TNXB: variants seen among roughly 807,000 people sequenced by gnomAD.
TNXB encodes tenascin-X.
TNXB carries 183 observed loss-of-function variants against 340.5 expected under a neutral mutation model. That is an observed-to-expected ratio of 0.54 (90% CI 0.48 to 0.61). The LOEUF (loss-of-function observed/expected upper bound fraction) is 0.61, where lower values mean the gene tolerates loss of function less well. Among genes scored for constraint, TNXB ranks in the 20% least tolerant of loss-of-function variants. The probability of loss-of-function intolerance (pLI) is 0.00; values close to 1 mark genes in which losing one functional copy is unlikely to be tolerated. For missense variants in TNXB, 4,613 were observed against 5,446.4 expected (o/e 0.85, Z 4.82); for synonymous variants, 2,121 against 2,314.5 (o/e 0.92, Z 2.40).
In TNXB at chr6:32,046,246, T is replaced by C; in HGVS notation, c.10535A>G (p.Lys3512Arg). ...VTVEDLEPGK[K>R]YKFLLYGLLG... ...GAGCCCGTAGAGCAGAAACTTGTATTTCTTGCCAGGCTCCAGGTCCTCTAC... is the reference window on the plus strand; with the variant it reads ...GAGCCCGTAGAGCAGAAACTTGTATCTCTTGCCAGGCTCCAGGTCCTCTAC... The change falls in exon 31 of 44, where the codon AAA (lysine) becomes AGA (arginine). Residue 3512 changes from lysine to arginine, a missense_variant. Around this residue, in one of 7 missense-constraint regions of TNXB, gnomAD observed 4,327 missense variants for 4,859.4 expected, o/e 0.89. Transcript: ENST00000644971. This position sits in a 1 kb window ranked among gnomAD's most constrained non-coding sequence, Gnocchi z 6.9. The C allele has an allele frequency of 6.2e-7, 1 of 1,605,256 alleles. No homozygotes were observed. Among genetic ancestry groups the C allele is most frequent in the Non-Finnish European group, 8.5e-7 (1 of 1,177,518 alleles).
In TNXB at chr6:32,046,900, C is replaced by T. The variant is rs1562783310; in HGVS notation, c.10325-444G>A. On this transcript the variant is annotated intron_variant, in intron 30 of 43. Coordinates refer to ENST00000644971, the MANE Select transcript of TNXB (RefSeq NM_001365276.2). This position sits in a 1 kb window ranked among gnomAD's most constrained non-coding sequence, Gnocchi z 6.9. Reference sequence around the variant, plus strand: ...GTCTGGGCAGCCGGCCAATGCACGGCTCCCATCACTGCCAGGCTGTGATCT... The same window carrying T: ...GTCTGGGCAGCCGGCCAATGCACGGTTCCCATCACTGCCAGGCTGTGATCT... Among the ~76,000 whole-genome samples the T allele has an allele frequency of 6.6e-6, 1 of 152,244 alleles. No individual in the cohort carries two copies. The highest frequency in any genetic ancestry group is 1.5e-5 in the Non-Finnish European group (1 of 68,038).
chr6:32,096,372 G>A lies in TNXB; in HGVS notation c.1481C>T (p.Thr494Met). 6.4e-7 allele frequency: 1 copy of A among 1,557,874 alleles called. No individual in the cohort carries two copies. Among genetic ancestry groups the A allele is most frequent in the Non-Finnish European group, 8.6e-7 (1 of 1,159,078 alleles). Residue 494 changes from threonine (T) to methionine (M), a missense_variant, in exon 3 of 44, where the codon ACG becomes ATG. This residue lies in a region of TNXB where 4,327 missense variants were observed against 4,859.4 expected (regional missense o/e 0.89). Coordinates refer to ENST00000644971, the MANE Select transcript of TNXB (RefSeq NM_001365276.2). ...GCGACAGTCGCCAGGACAGGCGCGC[G>A]TGCCGCAGTCCCGGCCTGTGTACCC... ...WPGYTGRDCG[T>M]RACPGDCRGR...
In TNXB at chr6:32,098,119, G is replaced by A. The variant is rs372058480; in HGVS notation, c.80C>T (p.Ser27Phe). 24 of 1,599,214 alleles carry A rather than the reference G, an allele frequency of 1.5e-5. No individual in the cohort carries two copies. Among genetic ancestry groups the A allele is most frequent in the Non-Finnish European group, 2.0e-5 (23 of 1,172,390 alleles). The change falls in exon 2 of 44, where the codon TCT becomes TTT. Residue 27 changes from serine (S) to phenylalanine (F), a missense_variant. Coordinates refer to ENST00000644971, the MANE Select transcript of TNXB (RefSeq NM_001365276.2). Reference sequence around the variant, plus strand: ...TGGCAGTGTCACATTGGACCGTGAAGAGAAGGGGCCTGCTCTGGCTGTGCT... The same window carrying A: ...TGGCAGTGTCACATTGGACCGTGAAAAGAAGGGGCCTGCTCTGGCTGTGCT... ...LLSTARAGPF[S>F]SRSNVTLPAP...
At chr6:32,088,389 C>T (rs1779914041) in intron 6 of TNXB, among the ~76,000 whole-genome samples, 1 of 152,214 alleles carries the variant, frequency 6.6e-6, no homozygotes, top group African/African-American at 2.4e-5. Context: ...TCCCAGCAAT[C>T]CCAATCCAAA....
At chr6:32,107,866 G>C (rs1202387348) in intron 1 of TNXB, among the ~76,000 whole-genome samples, 1 of 152,124 alleles carries the variant, frequency 6.6e-6, no homozygotes, top group Non-Finnish European at 1.5e-5. Context: ...AAGGATTCTA[G>C]GAGTGAGACT....
intron 3 of TNXB, among the ~76,000 whole-genome samples, 158 bp from the exon 4 acceptor site, chr6:32,095,349 C>T (rs1240564261): frequency 1.3e-5 from 2 of 152,128 alleles, no homozygotes; most frequent in Non-Finnish European, 2.9e-5. Flanking sequence ...GGGCTTGGAT[C>T]GCCTTCACCT....
chr6:32,081,442 CGG>C lies in TNXB; in HGVS notation c.3966_3967del (p.Asp1322GlufsTer4), dbSNP rs1207856485. On this transcript the variant is annotated frameshift_variant, in exon 10 of 44. Transcript: ENST00000644971. LOFTEE classifies it high-confidence loss of function. This position sits in a 1 kb window ranked among gnomAD's most constrained non-coding sequence, Gnocchi z 5.1. ...CCCGTAGAGGTTCATCTTATACTTC[CGG>C]TCGGGATCCAGGCCGGGGACAGTAA... 1 of 1,575,300 alleles carries C rather than the reference CGG, an allele frequency of 6.3e-7. No individual in the cohort carries two copies. The highest frequency in any genetic ancestry group is 8.6e-7 in the Non-Finnish European group (1 of 1,160,316).
rs1054664332 is a variant in TNXB, at chr6:32,081,026, G to A, written c.4042+342C>T. Among the ~76,000 whole-genome samples, 2 of 152,172 alleles carry A rather than the reference G, an allele frequency of 1.3e-5. No individual in the cohort carries two copies. The highest frequency in any genetic ancestry group is 2.9e-5 in the Non-Finnish European group (2 of 68,038). ...CCAAACCAGACCATGAAGGAGCCCAGTAAAAACTGAGGGGTGAGAACACAG... is the reference window on the plus strand; with the variant it reads ...CCAAACCAGACCATGAAGGAGCCCAATAAAAACTGAGGGGTGAGAACACAG... On this transcript the variant is annotated intron_variant, in intron 10 of 43. Transcript: ENST00000644971. This position sits in a 1 kb window ranked among gnomAD's most constrained non-coding sequence, Gnocchi z 5.1.
At position 32,097,030 on chromosome 6, in the gene TNXB, A is replaced by C; in HGVS notation, c.823T>G (p.Cys275Gly). 9 of 1,613,674 alleles carry C rather than the reference A, an allele frequency of 5.6e-6. No individual in the cohort carries two copies. Among genetic ancestry groups the C allele is most frequent in the Non-Finnish European group, 7.6e-6 (9 of 1,179,738 alleles). Residue 275 changes from cysteine to glycine, a missense_variant, in exon 3 of 44, where the codon TGT becomes GGT. Cys to Gly is a radical substitution (Grantham distance 159). Transcript: ENST00000644971. This position sits in a 1 kb window ranked among gnomAD's most constrained non-coding sequence, Gnocchi z 5.9. The stretch of plus-strand genomic sequence containing the variant: ...CCGCGAGGGCAGCTCCTCATGCCAC[A>C]GTCGTCACCAGTGTAGCCTGGGTCA... ...VCDPGYTGDD[C>G]GMRSCPRGCS...
chr6:32,046,665 A>C lies in TNXB; in HGVS notation c.10325-209T>G. ...TCCTCCTCTGGAGGCTGCTGCCCAA[A>C]CTCCTTCCTGCCCCGCCCCTTCCCT... On this transcript the variant is annotated intron_variant, in intron 30 of 43. Transcript: ENST00000644971. This position sits in a 1 kb window ranked among gnomAD's most constrained non-coding sequence, Gnocchi z 6.9. The C allele has an allele frequency of 1.5e-5, 7 of 468,728 alleles. No homozygotes were observed. Among genetic ancestry groups the C allele is most frequent in the East Asian group, 6.1e-5 (2 of 32,822 alleles). 29.0% of individuals were successfully genotyped at this position (468,728 alleles called of 1,614,324 possible). A position where few individuals can be genotyped will look rare whatever the true frequency, so the allele number is the denominator to read the frequency against.
At chr6:32,102,225 G>GA (rs1364835796) in intron 1 of TNXB, among the ~76,000 whole-genome samples, 1 of 152,192 alleles carries the variant, frequency 6.6e-6, no homozygotes, top group African/African-American at 2.4e-5. Context: ...GCAAACACTG[G>GA]AAAGTTGTTT....
At chr6:32,054,149 C>T (rs994418287) in intron 24 of TNXB, among the ~76,000 whole-genome samples, 4 of 152,126 alleles carry the variant, frequency 2.6e-5, no homozygotes, top group African/African-American at 9.7e-5. Flanking sequence ...CCTCAGAGTA[C>T]CTCTCCCCCG....
Position 32,097,703 on chromosome 6 carries a change from GT to G in TNXB, c.403+92del. On this transcript the variant is annotated intron_variant, in intron 2 of 43. Transcript: ENST00000644971. This position sits in a 1 kb window ranked among gnomAD's most constrained non-coding sequence, Gnocchi z 5.9. ...CCACACCCCTCATGGTGAGGAAGGAGTGCCTTCTTCTAATTCATACCAAGGA... is the reference window on the plus strand; with the variant it reads ...CCACACCCCTCATGGTGAGGAAGGAGGCCTTCTTCTAATTCATACCAAGGA... 1 of 1,371,500 alleles carries G rather than the reference GT, an allele frequency of 7.3e-7. No homozygotes were observed. The highest frequency in any genetic ancestry group is 9.7e-7 in the Non-Finnish European group (1 of 1,030,458). The allele number at this position is 1,371,500 out of a possible 1,614,324, so 85.0% of individuals were successfully genotyped here.
chr6:32,059,798 C>T (rs1207982095), intron 21 of TNXB, among the ~76,000 whole-genome samples: 6 of 151,894 alleles, frequency 4.0e-5, no homozygotes, highest in Non-Finnish European at 8.8e-5. Context: ...GAGATGAGCT[C>T]GCACCTCACT....
Position 32,046,146 on chromosome 6 carries a change from C to T in TNXB, c.10606+29G>A, listed in dbSNP as rs1417812117. Reference sequence around the variant, plus strand: ...GCACAAGGAAACCCACACAAGCTGGCTTGCTATAGCCAGGCACAGCAGCCT... The same window carrying T: ...GCACAAGGAAACCCACACAAGCTGGTTTGCTATAGCCAGGCACAGCAGCCT... On this transcript the variant is annotated intron_variant, in intron 31 of 43. Transcript: ENST00000644971. This position sits in a 1 kb window ranked among gnomAD's most constrained non-coding sequence, Gnocchi z 6.9. 2 of 1,566,520 alleles carry T rather than the reference C, an allele frequency of 1.3e-6. No individual in the cohort carries two copies. Among genetic ancestry groups the T allele is most frequent in the Non-Finnish European group, 1.7e-6 (2 of 1,150,966 alleles).
At position 32,097,589 on chromosome 6, in the gene TNXB, G is replaced by A; in HGVS notation, c.404-140C>T. 6 of 1,174,480 alleles carry A rather than the reference G, an allele frequency of 5.1e-6. No individual in the cohort carries two copies. Among genetic ancestry groups the A allele is most frequent in the Non-Finnish European group, 7.0e-6 (6 of 856,248 alleles). 72.8% of individuals were successfully genotyped at this position (1,174,480 alleles called of 1,614,324 possible). ...TGTCTGCTCCCAGTTGCTAGTATGT[G>A]TAATGTATGCAGCCTCTCAGGGCCC... On this transcript the variant is annotated intron_variant, in intron 2 of 43. Transcript: ENST00000644971. This position sits in a 1 kb window ranked among gnomAD's most constrained non-coding sequence, Gnocchi z 5.9.
In TNXB at chr6:32,079,063, C is replaced by G. The variant is rs773445960; in HGVS notation, c.4345G>C (p.Val1449Leu). ...ACGCCCACGGCGGACACCGGGCCCA[C>G]GCGCTGCCCCTCGTGGAGGCCGTAC... ...HLYGLHEGQR[V>L]GPVSAVGVTA... The change falls in exon 11 of 44, where the codon GTG (valine) becomes CTG (leucine). Residue 1449 changes from valine (V) to leucine (L), a missense_variant. By Grantham distance (32) the Val-to-Leu change is conservative (BLOSUM62 1). This residue lies in a region of TNXB where 4,327 missense variants were observed against 4,859.4 expected (regional missense o/e 0.89). Transcript: ENST00000644971. This position sits in a 1 kb window ranked among gnomAD's most constrained non-coding sequence, Gnocchi z 7.1. 7 of 1,612,942 alleles carry G rather than the reference C, an allele frequency of 4.3e-6. No individual in the cohort carries two copies. The African/African-American group carries it at 8.0e-5, about 18-fold the overall frequency.
chr6:32,057,891 C>A (rs1777765391), intron 22 of TNXB, among the ~76,000 whole-genome samples, 167 bp downstream of exon 22: 1 of 152,190 alleles, frequency 6.6e-6, no homozygotes, highest in South Asian at 2.1e-4. Context: ...GCCTTTGCTT[C>A]ATTTGCTGGA....
At chr6:32,057,586 G>A (rs1777742893) in intron 22 of TNXB, among the ~76,000 whole-genome samples, 1 of 152,126 alleles carries the variant, frequency 6.6e-6, no homozygotes, top group South Asian at 2.1e-4. Flanking sequence ...GAGACCCCAG[G>A]CCTGGTGAGT....
Sources: allele counts gnomAD v4.1 joint callset (sites outside exome capture counted in the v4.1 genomes callset), GRCh38; gene constraint gnomAD v4.1.1; regional missense constraint gnomAD v4.1.1; non-coding constraint Gnocchi (gnomAD v3.1); transcripts MANE v1.5; gene names NCBI Gene and HGNC (gene_info 2026-07-23, HGNC 2026-07-21).